Variants in PLCH2 observed in about 807,000 individuals in gnomAD.
The protein encoded by PLCH2 is phospholipase C eta 2.
Under a neutral mutation model 134.7 loss-of-function variants are expected in PLCH2, and 98 were observed. The observed-to-expected ratio is 0.73, with a 90% CI of 0.62 to 0.86. PLCH2 has a LOEUF of 0.86. Among genes scored for constraint, PLCH2 ranks in the 40% least tolerant of loss-of-function variants. The pLI is 0.00. For synonymous variants in PLCH2, 974 were observed against 827.5 expected (o/e 1.18, Z -3.04); for missense variants, 1,994 against 1,986.6 (o/e 1.00, Z -0.07).
chr1:2,423,437 G>A (rs762807460), upstream of PLCH2, among the ~76,000 whole-genome samples: 3 of 152,170 alleles, frequency 2.0e-5, no homozygotes, highest in Non-Finnish European at 4.4e-5. Context: ...CCTCTGCACA[G>A]TAACCAACCG....
chr1:2,497,775 G>C (rs1642978476), intron 16 of PLCH2, 166 bp downstream of exon 16: 1 of 551,476 alleles, frequency 1.8e-6, no homozygotes, highest in Admixed American at 3.0e-5. Context: ...GGATGCTGGG[G>C]AGGTGGGTGG....
upstream of PLCH2, among the ~76,000 whole-genome samples, chr1:2,422,722 G>C (rs1246851587): frequency 6.6e-6 from 1 of 152,084 alleles, no homozygotes; most frequent in Non-Finnish European, 1.5e-5. Context: ...CTGTTGCCCA[G>C]GCTGGAGTGC....
chr1:2,475,032 C>T (rs557758227), upstream of PLCH2, among the ~76,000 whole-genome samples: 2 of 152,318 alleles, frequency 1.3e-5, no homozygotes, highest in East Asian at 1.9e-4. Context: ...GACCTGCTTC[C>T]GCCGAGAGCA....
rs182903876 is a variant in PLCH2, at chr1:2,496,895, G to A, written c.2001G>A (p.Pro667=). The A allele has an allele frequency of 2.0e-5, 33 of 1,613,036 alleles. No individual in the cohort carries two copies. The South Asian group carries it at 2.1e-4, about 10-fold the overall frequency. The part of the protein sequence containing the change: ...TKAHQILQQK[P]AQYLRFNQQQ... ...CCCACCAGATTCTGCAGCAGAAGCC[G>A]GCGCAGTACCTACGCTTCAACCAGC... Residue 667 remains proline (P), a synonymous_variant, in exon 15 of 22, where the codon CCG becomes CCA. Coordinates refer to ENST00000378486, the MANE Select transcript of PLCH2 (RefSeq NM_014638.4).
At position 2,484,411 on chromosome 1, in the gene PLCH2, C is replaced by T. The variant is rs373402595; in HGVS notation, c.646-37C>T. On this transcript the variant is annotated intron_variant, in intron 4 of 21. Transcript: ENST00000378486. ...GACCCCTGTGCATGCAGGCCCTGGT[C>T]GAGGTGCCAATGGGGACCCAAGGCC... 5.8e-5 allele frequency: 94 copies of T among 1,607,172 alleles called. No individual in the cohort carries two copies. The East Asian group carries it at 1.1e-3, about 19-fold the overall frequency.
chr1:2,498,984 G>T lies in PLCH2; in HGVS notation c.2435-100G>T. 6.9e-7 allele frequency: 1 copy of T among 1,453,918 alleles called. No individual in the cohort carries two copies. Among genetic ancestry groups the T allele is most frequent in the Non-Finnish European group, 9.4e-7 (1 of 1,066,422 alleles). 90.1% of individuals were successfully genotyped at this position (1,453,918 alleles called of 1,614,324 possible). A position where few individuals can be genotyped will look rare whatever the true frequency, so the allele number is the denominator to read the frequency against. On this transcript the variant is annotated intron_variant, in intron 18 of 21. Coordinates refer to ENST00000378486, the MANE Select transcript of PLCH2 (RefSeq NM_014638.4). The surrounding 1 kb of genome is among the most constrained non-coding windows in gnomAD (Gnocchi z 5.4). The stretch of plus-strand genomic sequence containing the variant: ...GTGGGCAGTCCCGGAAGCAGCACCG[G>T]GAGTGGCACTGGGAGTGGTGTGGGC...
intron 4 of PLCH2, among the ~76,000 whole-genome samples, chr1:2,484,002 C>T (rs574074366): frequency 7.6e-6 from 1 of 130,828 alleles, no homozygotes. Flanking sequence ...CGCTGACTCC[C>T]GTGTGGGGGG....
chr1:2,476,391 C>A lies in PLCH2; in HGVS notation c.-198C>A. On this transcript the variant is annotated 5_prime_UTR_variant, in exon 1 of 22. Transcript: ENST00000378486. ...TGGGGGCCATCAGGACAGCAGGTGA[C>A]GGTCAGGCCAATGCCAGCCGGGCCT... is the stretch of plus-strand genomic sequence containing the variant. 1.9e-6 allele frequency: 1 copy of A among 516,582 alleles called. No individual in the cohort carries two copies. The highest frequency in any genetic ancestry group is 3.3e-6 in the Non-Finnish European group (1 of 298,628). The allele number at this position is 516,582 out of a possible 1,614,324, so 32.0% of individuals were successfully genotyped here.
At chr1:2,451,921 A>G (rs1165476520) in intron 2 of PLCH2, among the ~76,000 whole-genome samples, 1 of 152,176 alleles carries the variant, frequency 6.6e-6, no homozygotes. Flanking sequence ...GTCTGTTTGC[A>G]CAGAAAACAC....
chr1:2,440,817 T>C (rs1228671247), intron 2 of PLCH2, among the ~76,000 whole-genome samples: 1 of 152,200 alleles, frequency 6.6e-6, no homozygotes, highest in Non-Finnish European at 1.5e-5. Flanking sequence ...GGAGGCCAGG[T>C]TTCTGTCTCA....
chr1:2,451,375 G>T (rs763251907), intron 2 of PLCH2, among the ~76,000 whole-genome samples: 10 of 152,338 alleles, frequency 6.6e-5, no homozygotes, highest in South Asian at 4.1e-4. Context: ...GGCAGAGATT[G>T]TCGCGGAGAA....
chr1:2,465,033 C>T (rs549422981), upstream of PLCH2, among the ~76,000 whole-genome samples: 7 of 152,196 alleles, frequency 4.6e-5, no homozygotes, highest in Non-Finnish European at 7.4e-5. Context: ...AGCCAGGGCC[C>T]GGGGAGCAGG....
chr1:2,458,379 C>T (rs1640602663), intron 2 of PLCH2, among the ~76,000 whole-genome samples: 1 of 152,210 alleles, frequency 6.6e-6, no homozygotes, highest in South Asian at 2.1e-4. Context: ...TGGGCACCTA[C>T]AGCAGGAGCC....
intron 1 of PLCH2, among the ~76,000 whole-genome samples, chr1:2,469,096 G>T (rs114908466): frequency 2.6e-5 from 4 of 152,178 alleles, no homozygotes; most frequent in Admixed American, 1.3e-4. Flanking sequence ...CTCGCTGACC[G>T]CAGCCCCCAT....
chr1:2,483,879 GTGGCGCTGACTCCC>G lies in PLCH2; in HGVS notation c.646-568_646-555del, dbSNP rs1558005180. Reference sequence around the variant, plus strand: ...TGGGGTGGCGCTGACCCCCGTGTGGGTGGCGCTGACTCCCGTGTGGGGGGGCGCTGACTCCCGTG... The same window carrying G: ...TGGGGTGGCGCTGACCCCCGTGTGGGGTGTGGGGGGGCGCTGACTCCCGTG... On this transcript the variant is annotated intron_variant, in intron 4 of 21. Transcript: ENST00000378486. 1.3e-4 allele frequency among the ~76,000 whole-genome samples: 19 copies of G among 142,320 alleles called. 5 individuals carry two copies. Among genetic ancestry groups the G allele is most frequent in the African/African-American group, 4.0e-4 (15 of 37,934 alleles). 93.4% of individuals were successfully genotyped at this position (142,320 alleles called of 152,430 possible).
chr1:2,463,410 G>T (rs1425089424), upstream of PLCH2, among the ~76,000 whole-genome samples: 7 of 152,252 alleles, frequency 4.6e-5, no homozygotes, highest in South Asian at 2.1e-4. Context: ...CCTGGTGCTG[G>T]TAGGCAGGCT....
At position 2,498,855 on chromosome 1, in the gene PLCH2, AC is replaced by A; in HGVS notation, c.2434+29del. 1 of 1,564,146 alleles carries A rather than the reference AC, an allele frequency of 6.4e-7. No homozygotes were observed. Among genetic ancestry groups the A allele is most frequent in the Non-Finnish European group, 8.8e-7 (1 of 1,141,042 alleles). The stretch of plus-strand genomic sequence containing the variant: ...TGAGGCTGGGCCGTGGCTCCGTCAC[AC>A]CTGTGATGGAAGTCTGAGGGGGGAG... On this transcript the variant is annotated intron_variant, in intron 18 of 21. Transcript: ENST00000378486. This position sits in a 1 kb window ranked among gnomAD's most constrained non-coding sequence, Gnocchi z 5.4.
chr1:2,483,481 G>A (rs1411729000), intron 4 of PLCH2, among the ~76,000 whole-genome samples: 3 of 152,168 alleles, frequency 2.0e-5, no homozygotes, highest in African/African-American at 4.8e-5. Context: ...TAGGCACTGC[G>A]TCCCTTTGGG....
intron 16 of PLCH2, chr1:2,497,841 G>A (rs1371769776): frequency 6.0e-6 from 3 of 499,636 alleles, no homozygotes; most frequent in East Asian, 3.0e-5. Flanking sequence ...AGGAATCCAG[G>A]GATGGAGAAC....
Sources: allele counts gnomAD v4.1 joint callset (sites outside exome capture counted in the v4.1 genomes callset), GRCh38; gene constraint gnomAD v4.1.1; non-coding constraint Gnocchi (gnomAD v3.1); transcripts MANE v1.5; gene names NCBI Gene and HGNC (gene_info 2026-07-23, HGNC 2026-07-21).